RBFOX1: variants seen among roughly 807,000 people sequenced by gnomAD.
RBFOX1 encodes the protein RNA binding protein fox-1 homolog 1.
RBFOX1 carries 8 observed loss-of-function variants against 57.7 expected under a neutral mutation model. The ratio of observed to expected loss-of-function variants is 0.14; its 90% CI spans 0.08 to 0.25. RBFOX1 has a LOEUF of 0.25. RBFOX1 is among the 10% of genes least tolerant of loss of function. RBFOX1 has a pLI of 1.00. For synonymous variants in RBFOX1, 326 were observed against 222.4 expected (o/e 1.47, Z -4.15); for missense variants, 611 against 548.5 (o/e 1.11, Z -1.14).
At chr16:6,622,437 A>T (rs760656058) in intron 2 of RBFOX1, among the ~76,000 whole-genome samples, 7 of 152,192 alleles carry the variant, frequency 4.6e-5, no homozygotes, top group Non-Finnish European at 8.8e-5. Flanking sequence ...CAAGCTGTAC[A>T]GGCTTGTAGT....
intron 4 of RBFOX1, among the ~76,000 whole-genome samples, chr16:7,470,578 G>A (rs1056810581): frequency 6.6e-6 from 1 of 151,962 alleles, no homozygotes; most frequent in East Asian, 1.9e-4. Context: ...GGTGATGGAT[G>A]GATGGATGGA....
chr16:7,636,174 G>A (rs1335638087), intron 11 of RBFOX1, among the ~76,000 whole-genome samples: 1 of 152,140 alleles, frequency 6.6e-6, no homozygotes, highest in Non-Finnish European at 1.5e-5. Context: ...ATACCCTTAC[G>A]TGCAACTACA....
chr16:7,534,850 A>ATG (rs143468123), intron 5 of RBFOX1, among the ~76,000 whole-genome samples: 1 of 151,872 alleles, frequency 6.6e-6, no homozygotes, highest in African/African-American at 2.4e-5. Context: ...TTGCCCCGCT[A>ATG]TGTGTGTGTG....
chr16:7,027,478 A>G (rs1284631144), intron 3 of RBFOX1, among the ~76,000 whole-genome samples: 2 of 151,866 alleles, frequency 1.3e-5, no homozygotes, highest in African/African-American at 4.8e-5. Flanking sequence ...AACTTGCCCA[A>G]GGTCAGGCAG....
intron 2 of RBFOX1, among the ~76,000 whole-genome samples, chr16:6,532,769 C>T (rs1203848892): frequency 2.0e-5 from 3 of 152,162 alleles, no homozygotes; most frequent in Non-Finnish European, 4.4e-5. Context: ...AGGGCATTTA[C>T]CGTCCCCACT....
At chr16:7,142,646 G>C (rs2074075229) in intron 4 of RBFOX1, among the ~76,000 whole-genome samples, 1 of 152,110 alleles carries the variant, frequency 6.6e-6, no homozygotes. Context: ...CATTTTGATT[G>C]ATAACAGTTT....
intron 3 of RBFOX1, among the ~76,000 whole-genome samples, chr16:7,016,195 G>T (rs1055225066): frequency 6.6e-6 from 1 of 152,128 alleles, no homozygotes; most frequent in Non-Finnish European, 1.5e-5. Flanking sequence ...GTCCTTTGTT[G>T]AGATCAGGAA....
At chr16:7,216,994 TCCTCCCTCCCTCCCTTC>T (rs1567747991) in intron 4 of RBFOX1, among the ~76,000 whole-genome samples, 6 of 90,588 alleles carry the variant, frequency 6.6e-5, no homozygotes, top group African/African-American at 2.5e-4. Context: ...TTTCCTTCCT[TCCTCCCTCCCTCCCTTC>T]CCTCCCTCCC....
At chr16:7,004,570 G>T (rs886208636) in intron 3 of RBFOX1, among the ~76,000 whole-genome samples, 3 of 152,112 alleles carry the variant, frequency 2.0e-5, no homozygotes, top group African/African-American at 4.8e-5. Context: ...TGTATCTAAG[G>T]TTTATTAGTA....
At chr16:7,186,129 A>C (rs2083693500) in intron 4 of RBFOX1, among the ~76,000 whole-genome samples, 1 of 151,884 alleles carries the variant, frequency 6.6e-6, no homozygotes, top group Non-Finnish European at 1.5e-5. Flanking sequence ...CAACCATTGT[A>C]AAGGAGATTC....
chr16:6,824,310 G>T (rs1031525971), intron 3 of RBFOX1, among the ~76,000 whole-genome samples: 1 of 152,164 alleles, frequency 6.6e-6, no homozygotes, highest in Non-Finnish European at 1.5e-5. Context: ...GGAGGCTGCG[G>T]TAGGAGAGTC....
chr16:5,810,379 G>T (rs1282756861), intron 3 of RBFOX1, among the ~76,000 whole-genome samples: 1 of 152,052 alleles, frequency 6.6e-6, no homozygotes, highest in Non-Finnish European at 1.5e-5. Context: ...AAGGAGAGAG[G>T]CCTCAGAATA....
At chr16:7,386,388 C>G (rs931812772) in intron 4 of RBFOX1, among the ~76,000 whole-genome samples, 1 of 150,654 alleles carries the variant, frequency 6.6e-6, no homozygotes, top group Non-Finnish European at 1.5e-5. Context: ...CCAGCCCCCA[C>G]CCCCCAACAG....
At chr16:5,965,281 G>C (rs1322661751) in intron 4 of RBFOX1, among the ~76,000 whole-genome samples, 1 of 152,174 alleles carries the variant, frequency 6.6e-6, no homozygotes, top group Non-Finnish European at 1.5e-5. Context: ...AATTTGCTAG[G>C]AGAGTAGACC....
At chr16:6,680,869 G>T (rs1029991938) in intron 3 of RBFOX1, among the ~76,000 whole-genome samples, 8 of 152,284 alleles carry the variant, frequency 5.3e-5, no homozygotes, top group African/African-American at 1.9e-4. Context: ...CACTGTTTCA[G>T]CTACCATGGT....
intron 2 of RBFOX1, among the ~76,000 whole-genome samples, chr16:6,433,617 A>G (rs2094155017): frequency 6.6e-6 from 1 of 152,160 alleles, no homozygotes; most frequent in Non-Finnish European, 1.5e-5. Context: ...GGTTCTAGAG[A>G]TCAGATGTCT....
chr16:6,724,441 C>A (rs1568361698), intron 3 of RBFOX1, among the ~76,000 whole-genome samples: 1 of 151,984 alleles, frequency 6.6e-6, no homozygotes, highest in South Asian at 2.1e-4. Flanking sequence ...CTCCTGACCT[C>A]AGGTGATCCA....
At chr16:5,961,642 C>G (rs562681134) in intron 4 of RBFOX1, among the ~76,000 whole-genome samples, 85 of 152,280 alleles carry the variant, frequency 5.6e-4, no homozygotes, top group Admixed American at 1.8e-3. Flanking sequence ...ACCTCAGCCT[C>G]CCAAGCAGCT....
intron 4 of RBFOX1, among the ~76,000 whole-genome samples, chr16:7,248,866 C>A (rs1438068570): frequency 6.6e-6 from 1 of 152,116 alleles, no homozygotes; most frequent in East Asian, 1.9e-4. Context: ...TATGTATATC[C>A]TACCTATATA....
Sources: gnomAD v4.1 joint callset for allele counts (sites outside exome capture counted in the v4.1 genomes callset) on GRCh38, gnomAD v4.1.1 for gene constraint, MANE v1.5 for transcripts, NCBI Gene and HGNC (gene_info 2026-07-23, HGNC 2026-07-21) for gene names.